The following C4orf50 variants were observed in gnomAD, a reference collection of about 807,000 sequenced individuals.
C4orf50 encodes uncharacterized protein C4orf50.
A neutral mutation model predicts 77.2 loss-of-function variants in C4orf50; 80 were observed. The observed-to-expected ratio is 1.04, with a 90% CI of 0.87 to 1.25. C4orf50 has a LOEUF of 1.25. Among genes scored for constraint, C4orf50 ranks in the 50% most tolerant of loss-of-function variants. The pLI is 0.00. For synonymous variants in C4orf50, 532 were observed against 465.3 expected, an observed-to-expected ratio of 1.14 and a Z score of -1.84; for missense variants, 1,257 against 1,152.9, an observed-to-expected ratio of 1.09 and a Z score of -1.31.
chr4:5,970,793 C>G lies in C4orf50; in HGVS notation c.4104+2866G>C, dbSNP rs547999339. Among the ~76,000 whole-genome samples, 1 of 152,210 alleles carries G rather than the reference C, an allele frequency of 6.6e-6. No individual in the cohort carries two copies. The highest frequency in any genetic ancestry group is 1.5e-5 in the Non-Finnish European group (1 of 68,028). On this transcript the variant is annotated intron_variant, in intron 31 of 33. Transcript: ENST00000531445. The surrounding 1 kb of genome is among the most constrained non-coding windows in gnomAD (Gnocchi z 4.3). ...TTAGTGGCCTCAGCCCAAGGCCCAG[C>G]CCCCACCCCCTCAACAGCCCTGGGA...
At position 5,994,486 on chromosome 4, in the gene C4orf50, G is replaced by C. The variant is rs1283586896; in HGVS notation, c.964-10C>G. Reference sequence around the variant, plus strand: ...CACAGCCCAGAGCATCCTGGAGGAAGACAGAGGAAGTCAGGAGCCGTCAGT... The same window carrying C: ...CACAGCCCAGAGCATCCTGGAGGAACACAGAGGAAGTCAGGAGCCGTCAGT... On this transcript the variant is annotated splice_polypyrimidine_tract_variant and intron_variant, in intron 25 of 33. Transcript: ENST00000531445. 7.5e-6 allele frequency: 3 copies of C among 399,224 alleles called. No homozygotes were observed. The highest frequency in any genetic ancestry group is 1.3e-5 in the Non-Finnish European group (3 of 226,280). 24.7% of individuals were successfully genotyped at this position (399,224 alleles called of 1,614,324 possible). A position where few individuals can be genotyped will look rare whatever the true frequency, so the allele number is the denominator to read the frequency against.
chr4:5,993,784 T>C (rs1721423441), intron 26 of C4orf50, among the ~76,000 whole-genome samples: 4 of 150,460 alleles, frequency 2.7e-5, no homozygotes, highest in African/African-American at 7.4e-5. Context: ...ACAACTGTAC[T>C]CCAGCCTAGG....
chr4:5,934,205 C>T (rs577967703), intron 7 of C4orf50, among the ~76,000 whole-genome samples: 23 of 152,112 alleles, frequency 1.5e-4, no homozygotes, highest in East Asian at 3.9e-4. Context: ...CATGGTAAGG[C>T]GAGGTGGACA....
At chr4:5,981,618 A>C (rs1248470823) in intron 28 of C4orf50, among the ~76,000 whole-genome samples, 1 of 151,876 alleles carries the variant, frequency 6.6e-6, no homozygotes, top group Non-Finnish European at 1.5e-5. Context: ...TGGTCAGGCT[A>C]GTCTCGAACT....
intron 7 of C4orf50, among the ~76,000 whole-genome samples, chr4:5,925,243 G>C (rs765395491): frequency 6.6e-6 from 1 of 151,492 alleles, no homozygotes; most frequent in African/African-American, 2.4e-5. Context: ...GGCAAGGGGA[G>C]ACCCGCAACC....
chr4:5,914,089 A>T (rs1716925792), intron 7 of C4orf50, among the ~76,000 whole-genome samples: 1 of 152,228 alleles, frequency 6.6e-6, no homozygotes, highest in Admixed American at 6.5e-5. Context: ...TAGATGAAAA[A>T]GTAGATAAAA....
At chr4:5,989,285 T>C in exon 28 of C4orf50, 1 of 1,536,014 alleles carries the variant, frequency 6.5e-7, no homozygotes, top group Non-Finnish European at 8.7e-7. Flanking sequence ...CTCCTCACTC[T>C]CTCGAGGGCA....
chr4:5,996,440 C>T (rs1334257961), intron 25 of C4orf50, among the ~76,000 whole-genome samples: 2 of 151,920 alleles, frequency 1.3e-5, no homozygotes, highest in African/African-American at 4.8e-5. Flanking sequence ...TCACTGCCCC[C>T]ACCTCCACCC....
intron 28 of C4orf50, 45 bp downstream of exon 6, chr4:5,988,302 C>A (rs571373451): frequency 6.3e-7 from 1 of 1,588,766 alleles, no homozygotes. Context: ...GCCCCCGGAA[C>A]AGAGTCATGC....
intron 7 of C4orf50, among the ~76,000 whole-genome samples, chr4:5,934,426 T>C (rs1717915859): frequency 6.6e-6 from 1 of 152,224 alleles, no homozygotes; most frequent in South Asian, 2.1e-4. Context: ...ACAAAAGGAC[T>C]TTGTGTGGCT....
intron 7 of C4orf50, among the ~76,000 whole-genome samples, chr4:5,912,029 G>C (rs1004859497): frequency 6.6e-6 from 1 of 152,094 alleles, no homozygotes; most frequent in Non-Finnish European, 1.5e-5. Flanking sequence ...TTGGGTGACA[G>C]AGCGAGACTC....
Position 5,992,955 on chromosome 4 carries a change from G to T in C4orf50, c.1094-25C>A, listed in dbSNP as rs1721375125. On this transcript the variant is annotated intron_variant, in intron 26 of 33. Coordinates refer to ENST00000531445, the Ensembl canonical transcript of C4orf50. The surrounding 1 kb of genome is among the most constrained non-coding windows in gnomAD (Gnocchi z 5.0). ...CCTGGAAAGCAACAAGACCCTGGGG[G>T]TTACAAAGATGCTCCCAGGGGCTCT... 2 of 398,810 alleles carry T rather than the reference G, an allele frequency of 5.0e-6. No homozygotes were observed. Among genetic ancestry groups the T allele is most frequent in the African/African-American group, 2.1e-5 (1 of 48,630 alleles). 24.7% of individuals were successfully genotyped at this position (398,810 alleles called of 1,614,324 possible). A position where few individuals can be genotyped will look rare whatever the true frequency, so the allele number is the denominator to read the frequency against.
chr4:6,003,935 T>C (rs1722006346), intron 25 of C4orf50, among the ~76,000 whole-genome samples: 1 of 7,910 alleles, frequency 1.3e-4, no homozygotes, highest in Admixed American at 1.7e-3. Context: ...ATGGTGATGA[T>C]GGTGATGGTG....
chr4:5,967,862 C>T (rs1719675702), intron 31 of C4orf50, among the ~76,000 whole-genome samples: 1 of 152,208 alleles, frequency 6.6e-6, no homozygotes, highest in Non-Finnish European at 1.5e-5. Flanking sequence ...AATCTGAGTG[C>T]ACCACCTGCA....
intron 7 of C4orf50, among the ~76,000 whole-genome samples, chr4:5,940,275 T>A (rs1043165043): frequency 5.9e-5 from 9 of 152,240 alleles, no homozygotes; most frequent in Non-Finnish European, 1.0e-4. Context: ...TGTATGAACC[T>A]CATCATTCAG....
In C4orf50 at chr4:6,011,057, G is replaced by A. The variant is rs1560603677; in HGVS notation, c.426+773C>T. On this transcript the variant is annotated intron_variant, in intron 24 of 33. Coordinates refer to ENST00000531445, the Ensembl canonical transcript of C4orf50. This position sits in a 1 kb window ranked among gnomAD's most constrained non-coding sequence, Gnocchi z 4.2. Reference sequence around the variant, plus strand: ...TTGGCTCCAGGCCTCTGCCTCCAGAGCCCCCCACCCTTAACTGCCCACTGC... The same window carrying A: ...TTGGCTCCAGGCCTCTGCCTCCAGAACCCCCCACCCTTAACTGCCCACTGC... 6.6e-6 allele frequency among the ~76,000 whole-genome samples: 1 copy of A among 152,124 alleles called. No individual in the cohort carries two copies. The highest frequency in any genetic ancestry group is 2.4e-5 in the African/African-American group (1 of 41,422).
rs976915495 is a variant in C4orf50 at position 5,958,744 on chromosome 4, A to T, written c.*631T>A. ...TGATTAGAAAGTTCTGGTTAGTTTT[A>T]ATGTTTTTAAATGTAAAATATATGG... On this transcript the variant is annotated 3_prime_UTR_variant, in exon 34 of 34. Transcript: ENST00000531445. This position sits in a 1 kb window ranked among gnomAD's most constrained non-coding sequence, Gnocchi z 5.4. 1 of 152,206 alleles carries T rather than the reference A, an allele frequency of 6.6e-6. No homozygotes were observed. Among genetic ancestry groups the T allele is most frequent in the Non-Finnish European group, 1.5e-5 (1 of 68,088 alleles). The allele number at this position is 152,206 out of a possible 1,614,324, so 9.4% of individuals were successfully genotyped here.
intron 23 of C4orf50, among the ~76,000 whole-genome samples, chr4:6,013,729 C>T (rs575777820): frequency 3.3e-5 from 5 of 152,202 alleles, no homozygotes; most frequent in Middle Eastern, 3.4e-3. Flanking sequence ...AAGATGGAGG[C>T]GGGACCAGGA....
At chr4:5,924,112 C>T (rs2108740165) in intron 7 of C4orf50, among the ~76,000 whole-genome samples, 1 of 152,314 alleles carries the variant, frequency 6.6e-6, no homozygotes, top group South Asian at 2.1e-4. Flanking sequence ...CTGTCAGCTT[C>T]CCTGCTTTTG....
Sources: allele counts gnomAD v4.1 joint callset (sites outside exome capture counted in the v4.1 genomes callset), GRCh38; gene constraint gnomAD v4.1.1; non-coding constraint Gnocchi (gnomAD v3.1); transcripts MANE v1.5; gene names NCBI Gene and HGNC (gene_info 2026-07-23, HGNC 2026-07-21).